The following RPS6KC1 variants were observed in gnomAD, a reference collection of about 807,000 sequenced individuals.
RPS6KC1 encodes the protein inactive ribosomal protein S6 kinase delta-1.
Under a neutral mutation model 103.8 loss-of-function variants are expected in RPS6KC1, and 54 were observed. That is an observed-to-expected ratio of 0.52 (90% CI 0.42 to 0.65). RPS6KC1 has a LOEUF of 0.65. Among genes scored for constraint, RPS6KC1 ranks in the 30% least tolerant of loss-of-function variants. RPS6KC1 has a pLI of 0.00. For missense variants in RPS6KC1, 1,151 were observed against 1,253.8 expected (o/e 0.92, Z 1.24); for synonymous variants, 439 against 438.7 (o/e 1.00, Z -0.01).
the RPS6KC1 span, among the ~76,000 whole-genome samples, chr1:213,392,213 G>C: frequency 6.6e-6 from 1 of 152,094 alleles, no homozygotes; most frequent in Admixed American, 6.5e-5. Flanking sequence ...CAGCAGAACC[G>C]ATGGTCTGCT....
chr1:213,139,799 T>G (rs1413141702), intron 6 of RPS6KC1, among the ~76,000 whole-genome samples: 1 of 152,096 alleles, frequency 6.6e-6, no homozygotes, highest in Non-Finnish European at 1.5e-5. Context: ...TTTGTTCTTT[T>G]TGCTTATGAT....
At chr1:213,854,099 G>A in the RPS6KC1 span, among the ~76,000 whole-genome samples, 4 of 152,320 alleles carry the variant, frequency 2.6e-5, no homozygotes, top group African/African-American at 4.8e-5. Flanking sequence ...GCAAGAAAGC[G>A]GGAGATGTAG....
the RPS6KC1 span, among the ~76,000 whole-genome samples, chr1:213,524,205 C>T: frequency 2.0e-5 from 3 of 152,176 alleles, no homozygotes; most frequent in Non-Finnish European, 4.4e-5. Flanking sequence ...TCACAAGGCA[C>T]TTGAGTGCCA....
At chr1:213,608,956 T>C in the RPS6KC1 span, among the ~76,000 whole-genome samples, 1 of 152,204 alleles carries the variant, frequency 6.6e-6, no homozygotes, top group Admixed American at 6.5e-5. Context: ...TGTACAAATA[T>C]TTGTCGACAT....
At chr1:213,080,113 T>G (rs183689868) in intron 3 of RPS6KC1, among the ~76,000 whole-genome samples, 3 of 152,112 alleles carry the variant, frequency 2.0e-5, no homozygotes, top group African/African-American at 7.2e-5. Context: ...AGACAGAGTT[T>G]CGCCATGTTG....
intron 3 of RPS6KC1, among the ~76,000 whole-genome samples, chr1:213,086,324 G>T (rs955347153): frequency 6.6e-6 from 1 of 152,178 alleles, no homozygotes; most frequent in Non-Finnish European, 1.5e-5. Flanking sequence ...TTTCAGCCTG[G>T]ATCTGCTGGC....
intron 8 of RPS6KC1, among the ~76,000 whole-genome samples, chr1:213,199,475 C>T (rs1263921367): frequency 6.6e-6 from 1 of 152,200 alleles, no homozygotes; most frequent in Non-Finnish European, 1.5e-5. Context: ...TCTCAATAAA[C>T]TAGGTATTGA....
chr1:213,630,110 C>A, the RPS6KC1 span, among the ~76,000 whole-genome samples: 1 of 152,108 alleles, frequency 6.6e-6, no homozygotes. Flanking sequence ...CTCTTTATTT[C>A]CTGAATTTGA....
the RPS6KC1 span, among the ~76,000 whole-genome samples, chr1:213,658,462 A>C: frequency 1.1e-4 from 17 of 152,216 alleles, no homozygotes; most frequent in African/African-American, 3.1e-4. Flanking sequence ...TAAGGACAAT[A>C]AAACTCCAAG....
At chr1:213,786,914 A>C in the RPS6KC1 span, among the ~76,000 whole-genome samples, 1 of 152,216 alleles carries the variant, frequency 6.6e-6, no homozygotes, top group Admixed American at 6.5e-5. Context: ...CAGTCTTATA[A>C]GAAGTAAGGC....
the RPS6KC1 span, among the ~76,000 whole-genome samples, chr1:213,363,966 G>C: frequency 6.6e-6 from 1 of 151,512 alleles, no homozygotes; most frequent in Non-Finnish European, 1.5e-5. Context: ...TTTGCTTTCT[G>C]TCCTCTATAG....
the RPS6KC1 span, among the ~76,000 whole-genome samples, chr1:213,541,589 T>C: frequency 1.3e-5 from 2 of 152,026 alleles, no homozygotes; most frequent in Non-Finnish European, 2.9e-5. Flanking sequence ...AAATCCACAA[T>C]GCCTGAGACT....
chr1:213,343,853 T>C, the RPS6KC1 span, among the ~76,000 whole-genome samples: 1 of 151,930 alleles, frequency 6.6e-6, no homozygotes, highest in African/African-American at 2.4e-5. Flanking sequence ...ATATTGTTAA[T>C]GAAAGAAAAA....
chr1:213,676,868 C>T, the RPS6KC1 span, among the ~76,000 whole-genome samples: 1 of 152,242 alleles, frequency 6.6e-6, no homozygotes, highest in Non-Finnish European at 1.5e-5. Flanking sequence ...TGCTGATACA[C>T]AGTGGCAGCT....
chr1:213,221,391 A>T (rs540339419), intron 8 of RPS6KC1, among the ~76,000 whole-genome samples: 1 of 152,126 alleles, frequency 6.6e-6, no homozygotes, highest in African/African-American at 2.4e-5. Flanking sequence ...CATCCCCCTT[A>T]TGCTGACTTA....
the RPS6KC1 span, chr1:213,841,079 T>G: frequency 1.3e-5 from 2 of 152,220 alleles, 1 homozygote; most frequent in Admixed American, 1.3e-4. Context: ...GTTTAAATTT[T>G]TTTGAACCTG....
chr1:213,567,890 G>A, the RPS6KC1 span, among the ~76,000 whole-genome samples: 2 of 152,154 alleles, frequency 1.3e-5, no homozygotes, highest in Admixed American at 1.3e-4. Flanking sequence ...ACTCTGCCTG[G>A]GTCAGTAATG....
At chr1:213,361,885 G>T in the RPS6KC1 span, among the ~76,000 whole-genome samples, 1 of 152,202 alleles carries the variant, frequency 6.6e-6, no homozygotes, top group Non-Finnish European at 1.5e-5. Flanking sequence ...TGTGGGTGTG[G>T]ATGTGTCTGT....
At chr1:213,212,204 C>T (rs141669048) in intron 8 of RPS6KC1, among the ~76,000 whole-genome samples, 5 of 152,130 alleles carry the variant, frequency 3.3e-5, no homozygotes, top group African/African-American at 1.2e-4. Context: ...AGTATTTTCA[C>T]TACCCTAAAA....
Sources: gnomAD v4.1 joint callset for allele counts (sites outside exome capture counted in the v4.1 genomes callset) on GRCh38, gnomAD v4.1.1 for gene constraint, MANE v1.5 for transcripts, NCBI Gene and HGNC (gene_info 2026-07-23, HGNC 2026-07-21) for gene names.